The following RAB4A variants were observed in gnomAD, a reference collection of about 807,000 sequenced individuals.
RAB4A encodes RAB4A, member RAS oncogene family, also known as ras-related protein Rab-4A.
A neutral mutation model predicts 34.5 loss-of-function variants in RAB4A; 20 were observed. The ratio of observed to expected loss-of-function variants is 0.58; its 90% CI spans 0.41 to 0.84. The LOEUF is 0.84. RAB4A is among the 40% of genes least tolerant of loss of function. The pLI, the probability that RAB4A is intolerant of heterozygous loss-of-function variation, is 0.00. For synonymous variants in RAB4A, 102 were observed against 100.0 expected (o/e 1.02, Z -0.12); for missense variants, 228 against 274.5 (o/e 0.83, Z 1.20).
chr1:229,276,186 C>T (rs1188891862), intron 1 of RAB4A, among the ~76,000 whole-genome samples: 1 of 151,256 alleles, frequency 6.6e-6, no homozygotes, highest in Non-Finnish European at 1.5e-5. Flanking sequence ...GGAAACATTG[C>T]ACCAGTGGCT....
intron 1 of RAB4A, among the ~76,000 whole-genome samples, chr1:229,286,193 T>C (rs1296284053): frequency 1.1e-4 from 17 of 152,248 alleles, no homozygotes; most frequent in Admixed American, 1.1e-3. Context: ...CTTTGAATAG[T>C]GGCTAGCAAA....
chr1:229,292,368 G>C (rs868866072), intron 3 of RAB4A, among the ~76,000 whole-genome samples: 1 of 152,166 alleles, frequency 6.6e-6, no homozygotes. Flanking sequence ...AAAATTTTAA[G>C]AAGTAGATGT....
chr1:229,275,215 A>G (rs1656608048), intron 1 of RAB4A, among the ~76,000 whole-genome samples: 1 of 152,144 alleles, frequency 6.6e-6, no homozygotes, highest in African/African-American at 2.4e-5. Context: ...TGGTGTCATT[A>G]TAAGATGAGG....
chr1:229,288,814 A>G lies in RAB4A; in HGVS notation c.198A>G (p.Ile66Met). Residue 66 changes from isoleucine to methionine, a missense_variant, in exon 3 of 8, where the codon ATA (isoleucine) becomes ATG (methionine). Coordinates refer to ENST00000366690, the MANE Select transcript of RAB4A (RefSeq NM_004578.4). ...NVGGKYVKLQ[I>M]WDTAGQERFR... ...GTGGTAAATATGTAAAGTTACAAAT[A>G]TGGGATACAGCAGGACAAGAACGAT... 6.3e-7 allele frequency: 1 copy of G among 1,582,988 alleles called. No individual in the cohort carries two copies. The highest frequency in any genetic ancestry group is 8.7e-7 in the Non-Finnish European group (1 of 1,152,906).
chr1:229,300,965 C>T (rs1657372398), intron 6 of RAB4A, among the ~76,000 whole-genome samples: 1 of 151,984 alleles, frequency 6.6e-6, no homozygotes, highest in African/African-American at 2.4e-5. Flanking sequence ...CACTTAAGCC[C>T]TAATTATAAG....
intron 4 of RAB4A, 56 bp downstream of exon 4, chr1:229,295,966 C>A: frequency 6.3e-7 from 1 of 1,585,096 alleles, no homozygotes; most frequent in Non-Finnish European, 8.7e-7. Context: ...AGCCCAAAGG[C>A]TGGTCTTGGC....
intron 4 of RAB4A, among the ~76,000 whole-genome samples, chr1:229,296,513 AC>A (rs1324459799): frequency 1.3e-5 from 2 of 152,256 alleles, no homozygotes; most frequent in Admixed American, 6.5e-5. Flanking sequence ...TGCACTGGCC[AC>A]ATTTCAGGTC....
chr1:229,290,849 T>G (rs1040795228), intron 3 of RAB4A, among the ~76,000 whole-genome samples: 1 of 152,124 alleles, frequency 6.6e-6, no homozygotes, highest in Middle Eastern at 3.2e-3. Flanking sequence ...GAAGATGCAA[T>G]GACTATTAGG....
intron 1 of RAB4A, among the ~76,000 whole-genome samples, chr1:229,278,222 C>T (rs1571821952): frequency 6.6e-6 from 1 of 152,124 alleles, no homozygotes; most frequent in African/African-American, 2.4e-5. Context: ...CATGGCTTTT[C>T]CTTCCACCTC....
intron 3 of RAB4A, among the ~76,000 whole-genome samples, chr1:229,295,567 C>T (rs1337783978): frequency 6.6e-6 from 1 of 152,146 alleles, no homozygotes; most frequent in East Asian, 1.9e-4. Context: ...GTGGTGCTGG[C>T]TTCCGCAGAC....
rs116642048 is a variant in RAB4A at position 229,292,742 on chromosome 1, G to A, written c.228-3106G>A. The stretch of plus-strand genomic sequence containing the variant: ...TTTGTTTGTTTGTTGCAAGCTGCAC[G>A]GGTTTCTTTGTTCTCCAAGGATAGT... On this transcript the variant is annotated intron_variant, in intron 3 of 7. Transcript: ENST00000366690. 6.5e-3 allele frequency among the ~76,000 whole-genome samples: 984 copies of A among 152,292 alleles called. 14 individuals carry two copies. The highest frequency in any genetic ancestry group is 0.023 in the African/African-American group (941 of 41,562).
intron 1 of RAB4A, among the ~76,000 whole-genome samples, chr1:229,283,049 G>C (rs1040143132): frequency 3.9e-5 from 6 of 152,158 alleles, no homozygotes; most frequent in African/African-American, 1.2e-4. Flanking sequence ...TAGGACCTTA[G>C]ATCTTTATTT....
In RAB4A at chr1:229,305,111, A is replaced by T; in HGVS notation, c.*1318A>T. ...TTGTTTATTTTAATCAGCAGAGCAC[A>T]GAGACACATAAAAACTCTGGGAAAT... On this transcript the variant is annotated 3_prime_UTR_variant, in exon 8 of 8. Coordinates refer to ENST00000366690, the MANE Select transcript of RAB4A (RefSeq NM_004578.4). 1 of 1,562,886 alleles carries T rather than the reference A, an allele frequency of 6.4e-7. No homozygotes were observed. Among genetic ancestry groups the T allele is most frequent in the Non-Finnish European group, 8.6e-7 (1 of 1,157,394 alleles).
chr1:229,273,822 C>T (rs2102830893), intron 1 of RAB4A, among the ~76,000 whole-genome samples: 1 of 152,278 alleles, frequency 6.6e-6, no homozygotes, highest in East Asian at 1.9e-4. Flanking sequence ...AGAACCAAGT[C>T]CTAGGCTGTC....
At chr1:229,274,357 G>A (rs1197685273) in intron 1 of RAB4A, among the ~76,000 whole-genome samples, 1 of 151,906 alleles carries the variant, frequency 6.6e-6, no homozygotes, top group Non-Finnish European at 1.5e-5. Flanking sequence ...GAGCCACTGT[G>A]CCCTGCTGAA....
chr1:229,271,157 C>A lies in RAB4A; in HGVS notation c.-183C>A. On this transcript the variant is annotated 5_prime_UTR_variant, in exon 1 of 8. Coordinates refer to ENST00000366690, the MANE Select transcript of RAB4A (RefSeq NM_004578.4). ...GCCGGACGGAGGGTGGAGGGCCCTG[C>A]GCCTGCGCGGAGCTGGAGTCCGGCT... is the stretch of plus-strand genomic sequence containing the variant. 2 of 456,144 alleles carry A rather than the reference C, an allele frequency of 4.4e-6. No homozygotes were observed. The highest frequency in any genetic ancestry group is 6.9e-6 in the Non-Finnish European group (2 of 289,478). 28.3% of individuals were successfully genotyped at this position (456,144 alleles called of 1,614,324 possible).
At chr1:229,277,359 C>T (rs1177590517) in intron 1 of RAB4A, among the ~76,000 whole-genome samples, 1 of 151,162 alleles carries the variant, frequency 6.6e-6, no homozygotes, top group Non-Finnish European at 1.5e-5. Flanking sequence ...TTAGCTTTTG[C>T]TGCCTGTTCC....
intron 3 of RAB4A, among the ~76,000 whole-genome samples, chr1:229,295,243 A>G (rs1055801857): frequency 6.6e-6 from 1 of 152,060 alleles, no homozygotes; most frequent in African/African-American, 2.4e-5. Context: ...TCCGGCCACT[A>G]ATGGGAAAAA....
At chr1:229,281,631 A>G (rs1414175609) in intron 1 of RAB4A, among the ~76,000 whole-genome samples, 1 of 151,780 alleles carries the variant, frequency 6.6e-6, no homozygotes, top group Non-Finnish European at 1.5e-5. Flanking sequence ...CATTATTGTA[A>G]TTATTGATAT....
Sources: allele counts gnomAD v4.1 joint callset (sites outside exome capture counted in the v4.1 genomes callset), GRCh38; gene constraint gnomAD v4.1.1; transcripts MANE v1.5; gene names NCBI Gene and HGNC (gene_info 2026-07-23, HGNC 2026-07-21).